The following PSD3 variants were observed in gnomAD, a reference collection of about 807,000 sequenced individuals.
PSD3 encodes pleckstrin and Sec7 domain containing 3, also known as PH and SEC7 domain-containing protein 3.
A neutral mutation model predicts 105.5 loss-of-function variants in PSD3; 49 were observed. The ratio of observed to expected loss-of-function variants is 0.46; its 90% CI spans 0.37 to 0.59. The LOEUF (loss-of-function observed/expected upper bound fraction) is 0.59. Among genes scored for constraint, PSD3 ranks in the 20% least tolerant of loss-of-function variants. The probability of loss-of-function intolerance (pLI) is 0.00; values close to 1 mark genes in which losing one functional copy is unlikely to be tolerated. For synonymous variants in PSD3, 557 were observed against 457.8 expected (o/e 1.22, Z -2.77); for missense variants, 1,561 against 1,263.8 (o/e 1.24, Z -3.57).
At chr8:18,956,513 T>C (rs899152186) in intron 1 of PSD3, among the ~76,000 whole-genome samples, 7 of 152,158 alleles carry the variant, frequency 4.6e-5, no homozygotes, top group East Asian at 1.9e-4. Context: ...GTATATTTAG[T>C]TGGTAGTCAA....
intron 9 of PSD3, among the ~76,000 whole-genome samples, chr8:18,727,849 C>G (rs1287973661): frequency 2.6e-5 from 4 of 152,088 alleles, no homozygotes; most frequent in Non-Finnish European, 1.5e-5. Context: ...TGTAACATAT[C>G]CCACCCATCG....
At chr8:18,600,089 T>C (rs1027949196) in intron 12 of PSD3, among the ~76,000 whole-genome samples, 20 of 152,136 alleles carry the variant, frequency 1.3e-4, no homozygotes, top group Non-Finnish European at 2.5e-4. Flanking sequence ...AGGATGGGCA[T>C]ATATAGGATG....
chr8:18,666,630 G>A (rs1014807788), intron 9 of PSD3, among the ~76,000 whole-genome samples: 18 of 151,988 alleles, frequency 1.2e-4, no homozygotes, highest in African/African-American at 4.3e-4. Flanking sequence ...AGACTCCGGG[G>A]GTTTGGAGAA....
chr8:18,555,646 C>T (rs1801022674), intron 15 of PSD3, among the ~76,000 whole-genome samples: 1 of 152,156 alleles, frequency 6.6e-6, no homozygotes, highest in African/African-American at 2.4e-5. Context: ...TACACTTTTC[C>T]ATGCCATAGC....
rs1817472775 is a variant in PSD3, at chr8:18,872,707, G to A, written c.157C>T (p.Pro53Ser). 13 of 1,569,966 alleles carry A rather than the reference G, an allele frequency of 8.3e-6. No homozygotes were observed. The East Asian group carries it at 2.7e-4, about 32-fold the overall frequency. ...TSDHGGSTLLPPNVTNEFPEY... is the reference protein window; with the variant it reads ...TSDHGGSTLLSPNVTNEFPEY... ...GGAAATTCATTTGTGACATTTGGTG[G>A]GAGTAAAGTGCTTCCTCCATGATCA... The change falls in exon 3 of 16, where the codon CCA becomes TCA. Residue 53 changes from proline to serine, a missense_variant. By Grantham distance (74) the Pro-to-Ser change is moderately conservative. Coordinates refer to ENST00000327040, the MANE Select transcript of PSD3 (RefSeq NM_015310.4).
chr8:18,860,593 C>A (rs999223746), intron 4 of PSD3, among the ~76,000 whole-genome samples: 1 of 152,108 alleles, frequency 6.6e-6, no homozygotes, highest in East Asian at 1.9e-4. Flanking sequence ...GTAAACAAGA[C>A]CCTTTTGAGT....
chr8:18,903,070 A>G (rs1314901942), intron 2 of PSD3, among the ~76,000 whole-genome samples: 2 of 151,944 alleles, frequency 1.3e-5, no homozygotes, highest in African/African-American at 4.8e-5. Flanking sequence ...CTGTGAAAGG[A>G]TTGGATGTAA....
At chr8:19,074,604 TA>T (rs1563546537) in intron 1 of PSD3, among the ~76,000 whole-genome samples, 4 of 15,530 alleles carry the variant, frequency 2.6e-4, no homozygotes, top group African/African-American at 2.7e-4. Flanking sequence ...TATATATATA[TA>T]TATATATTTT....
intron 1 of PSD3, among the ~76,000 whole-genome samples, chr8:18,984,266 G>C (rs890135928): frequency 6.6e-6 from 1 of 151,458 alleles, no homozygotes; most frequent in Non-Finnish European, 1.5e-5. Context: ...GTTTACAATA[G>C]AGCTGACTCT....
At chr8:18,584,396 C>CTAGA (rs752847949) in intron 12 of PSD3, among the ~76,000 whole-genome samples, 1 of 152,200 alleles carries the variant, frequency 6.6e-6, no homozygotes, top group Non-Finnish European at 1.5e-5. Flanking sequence ...GGCTCTCACA[C>CTAGA]TAGAGTGTTC....
chr8:18,719,151 T>C (rs977397718), intron 9 of PSD3, among the ~76,000 whole-genome samples: 3 of 152,242 alleles, frequency 2.0e-5, no homozygotes, highest in African/African-American at 7.2e-5. Context: ...CGCTCTGCTC[T>C]GTTTGGCCAA....
At chr8:18,948,793 TAA>T (rs1398471457) in intron 1 of PSD3, among the ~76,000 whole-genome samples, 1 of 152,112 alleles carries the variant, frequency 6.6e-6, no homozygotes, top group Non-Finnish European at 1.5e-5. Context: ...TCTATATTTT[TAA>T]AAAACATAAT....
At chr8:18,764,142 G>C (rs937319832) in intron 9 of PSD3, among the ~76,000 whole-genome samples, 1 of 152,052 alleles carries the variant, frequency 6.6e-6, no homozygotes, top group Admixed American at 6.6e-5. Context: ...AATTCTAAAA[G>C]CTTCACTATG....
At chr8:18,553,686 G>A (rs1317042492) in intron 15 of PSD3, among the ~76,000 whole-genome samples, 1 of 152,040 alleles carries the variant, frequency 6.6e-6, no homozygotes, top group Non-Finnish European at 1.5e-5. Flanking sequence ...ATAGCAAAGT[G>A]GACTCAATAT....
chr8:18,763,517 C>A lies in PSD3; in HGVS notation c.2172+1932G>T, dbSNP rs542461385. Among the ~76,000 whole-genome samples the A allele has an allele frequency of 2.0e-5, 3 of 152,008 alleles. No individual in the cohort carries two copies. The South Asian group carries it at 6.2e-4, about 32-fold the overall frequency. Reference sequence around the variant, plus strand: ...TACTCCACCCAATAATTTATCTCAGCAGGGAATCCAGCGACAGCTATTCTA... The same window carrying A: ...TACTCCACCCAATAATTTATCTCAGAAGGGAATCCAGCGACAGCTATTCTA... On this transcript the variant is annotated intron_variant, in intron 9 of 15. Transcript: ENST00000327040.
chr8:18,753,945 T>C (rs1297734338), intron 9 of PSD3, among the ~76,000 whole-genome samples: 1 of 152,186 alleles, frequency 6.6e-6, no homozygotes, highest in Non-Finnish European at 1.5e-5. Context: ...GGAGACCTAG[T>C]GCCCTTTAAG....
At chr8:18,564,780 T>C (rs534602933) in intron 14 of PSD3, among the ~76,000 whole-genome samples, 1 of 152,108 alleles carries the variant, frequency 6.6e-6, no homozygotes, top group Admixed American at 6.5e-5. Flanking sequence ...TCAGCTCCAC[T>C]CACCTGGCTC....
intron 10 of PSD3, among the ~76,000 whole-genome samples, chr8:18,650,130 C>T (rs1207483829): frequency 6.6e-6 from 1 of 152,194 alleles, no homozygotes; most frequent in Non-Finnish European, 1.5e-5. Flanking sequence ...AAGAGAGGAA[C>T]ATTAATTTTC....
chr8:19,041,731 G>A (rs1395518), intron 1 of PSD3, among the ~76,000 whole-genome samples: 107,777 of 152,174 alleles, frequency 0.71, 38,863 homozygotes, highest in African/African-American at 0.85. Flanking sequence ...GATGTGTCCA[G>A]ACATGTTCTG....
Sources: gnomAD v4.1 joint callset for allele counts (sites outside exome capture counted in the v4.1 genomes callset) on GRCh38, gnomAD v4.1.1 for gene constraint, MANE v1.5 for transcripts, NCBI Gene and HGNC (gene_info 2026-07-23, HGNC 2026-07-21) for gene names.